B3GALT1: variants seen among roughly 807,000 people sequenced by gnomAD.
B3GALT1 encodes the protein UDP-Gal:betaGlcNAc beta 1,3-galactosyltransferase, polypeptide 1.
B3GALT1 carries 10 observed loss-of-function variants against 23.2 expected under a neutral mutation model. That is an observed-to-expected ratio of 0.43 (90% CI 0.27 to 0.73). The LOEUF is 0.73. Among genes scored for constraint, B3GALT1 ranks in the 30% least tolerant of loss-of-function variants. The pLI is 0.21. For synonymous variants in B3GALT1, 156 were observed against 141.5 expected (o/e 1.10, Z -0.73); for missense variants, 299 against 405.4 (o/e 0.74, Z 2.25).
At chr2:167,680,803 C>G (rs1321801495) in intron 3 of B3GALT1, among the ~76,000 whole-genome samples, 1 of 151,914 alleles carries the variant, frequency 6.6e-6, no homozygotes, top group South Asian at 2.1e-4. Context: ...GAACTGAAAC[C>G]ATTAAGAAAT....
intron 3 of B3GALT1, among the ~76,000 whole-genome samples, chr2:167,746,602 C>T (rs757633498): frequency 3.3e-5 from 5 of 152,142 alleles, no homozygotes; most frequent in African/African-American, 7.2e-5. Context: ...ACAATGGAGC[C>T]GCTGTCCCAC....
chr2:167,786,858 G>C (rs1688351645), intron 3 of B3GALT1, among the ~76,000 whole-genome samples: 1 of 152,186 alleles, frequency 6.6e-6, no homozygotes. Context: ...CCATGCGTGA[G>C]TCCATTCCCA....
intron 2 of B3GALT1, among the ~76,000 whole-genome samples, chr2:167,639,767 A>G (rs1482116584): frequency 1.3e-5 from 2 of 152,220 alleles, no homozygotes; most frequent in Non-Finnish European, 2.9e-5. Flanking sequence ...CCAGACAACA[A>G]AGCAGTCTGC....
chr2:167,700,947 G>C (rs1260797843), intron 3 of B3GALT1, among the ~76,000 whole-genome samples: 1 of 152,148 alleles, frequency 6.6e-6, no homozygotes, highest in Non-Finnish European at 1.5e-5. Context: ...TACTTTCTCA[G>C]AACCAAGATC....
In B3GALT1 at chr2:167,473,670, A is replaced by G. The variant is rs571730518; in HGVS notation, c.-510-16507A>G. Among the ~76,000 whole-genome samples the G allele has an allele frequency of 2.4e-4, 36 of 152,130 alleles. No individual in the cohort carries two copies. The South Asian group carries it at 7.5e-3, about 32-fold the overall frequency. ...CTGCCTTTGGCTGATCAGTTTTTTG[A>G]TTATCACAATCAAGAGATGGAAGAA... On this transcript the variant is annotated intron_variant, in intron 1 of 4. Coordinates refer to ENST00000392690, the MANE Select transcript of B3GALT1 (RefSeq NM_020981.4).
At position 167,869,094 on chromosome 2, in the gene B3GALT1, G is replaced by A. The variant is rs1425909052; in HGVS notation, c.55G>A (p.Ala19Thr). Residue 19 changes from alanine (A) to threonine (T), a missense_variant, in exon 5 of 5, where the codon GCT (alanine) becomes ACT (threonine). Around this residue, in one of 3 missense-constraint regions of B3GALT1, gnomAD observed 162 missense variants for 184.1 expected, o/e 0.88. Coordinates refer to ENST00000392690, the MANE Select transcript of B3GALT1 (RefSeq NM_020981.4). This position sits in a 1 kb window ranked among gnomAD's most constrained non-coding sequence, Gnocchi z 6.4. The stretch of plus-strand genomic sequence containing the variant: ...TTTGACAGTTGTGTGCTGGGCCAGC[G>A]CTCTCTGGTACTTGAGTATAACTCG... ...YVLTVVCWAS[A>T]LWYLSITRPT... is the part of the protein sequence containing the mutation. 5 of 1,614,046 alleles carry A rather than the reference G, an allele frequency of 3.1e-6. No homozygotes were observed. Among genetic ancestry groups the A allele is most frequent in the Admixed American group, 3.3e-5 (2 of 60,010 alleles).
chr2:167,432,466 T>G (rs1266516575), intron 1 of B3GALT1, among the ~76,000 whole-genome samples: 2 of 152,216 alleles, frequency 1.3e-5, no homozygotes, highest in Non-Finnish European at 2.9e-5. Flanking sequence ...AGAGACAAAG[T>G]TGGCCTGCTG....
At chr2:167,486,457 C>T (rs755178886) in intron 1 of B3GALT1, among the ~76,000 whole-genome samples, 23 of 151,682 alleles carry the variant, frequency 1.5e-4, no homozygotes, top group Admixed American at 3.3e-4. Context: ...GGCACAGTGG[C>T]TCATGCCTGC....
chr2:167,491,035 G>A (rs908140979), intron 2 of B3GALT1, among the ~76,000 whole-genome samples: 20 of 152,124 alleles, frequency 1.3e-4, no homozygotes, highest in African/African-American at 3.9e-4. Context: ...TGTTTTCTTA[G>A]GGTTCTGGAG....
chr2:167,445,352 G>T (rs6720504), intron 1 of B3GALT1, among the ~76,000 whole-genome samples: 1 of 152,202 alleles, frequency 6.6e-6, no homozygotes, highest in Non-Finnish European at 1.5e-5. Flanking sequence ...TTGATTTGGG[G>T]TGAAGAGTTC....
At chr2:167,635,451 C>G (rs1318919129) in intron 2 of B3GALT1, among the ~76,000 whole-genome samples, 9 of 152,132 alleles carry the variant, frequency 5.9e-5, no homozygotes, top group Admixed American at 2.0e-4. Flanking sequence ...TTAAAAAACC[C>G]TATTGTCTCA....
At chr2:167,344,300 G>A (rs556594682) in intron 1 of B3GALT1, among the ~76,000 whole-genome samples, 98 of 152,168 alleles carry the variant, frequency 6.4e-4, no homozygotes, top group African/African-American at 2.2e-3. Flanking sequence ...ACTTCCAAAA[G>A]TGAAGGGAAG....
At chr2:167,621,380 C>T (rs1212349553) in intron 2 of B3GALT1, among the ~76,000 whole-genome samples, 1 of 151,952 alleles carries the variant, frequency 6.6e-6, no homozygotes. Flanking sequence ...GCCACCTTGC[C>T]TGGCCAGTGA....
rs1404243807 is a variant in B3GALT1 at position 167,872,438 on chromosome 2, G to A, written c.*2418G>A. ...CAATAGCAATTAGGTAACCTGGGGA[G>A]AGATGGATCAGCACAAGGTGAACCA... On this transcript the variant is annotated 3_prime_UTR_variant, in exon 5 of 5. Coordinates refer to ENST00000392690, the MANE Select transcript of B3GALT1 (RefSeq NM_020981.4). The A allele has an allele frequency of 6.6e-6, 1 of 152,194 alleles. No individual in the cohort carries two copies. Among genetic ancestry groups the A allele is most frequent in the Non-Finnish European group, 1.5e-5 (1 of 68,036 alleles). The allele number at this position is 152,194 out of a possible 1,614,324, so 9.4% of individuals were successfully genotyped here.
At chr2:167,804,848 G>A (rs57142259) in intron 3 of B3GALT1, among the ~76,000 whole-genome samples, 4,864 of 152,224 alleles carry the variant, frequency 0.032, 296 homozygotes, top group African/African-American at 0.11. Flanking sequence ...ACCCAGTAAT[G>A]GGATTGCTGG....
intron 2 of B3GALT1, among the ~76,000 whole-genome samples, chr2:167,564,535 G>A (rs769397896): frequency 1.2e-4 from 19 of 152,180 alleles, no homozygotes; most frequent in African/African-American, 4.1e-4. Context: ...AGGCCGCAGC[G>A]AGCCGAGACC....
chr2:167,360,752 C>T (rs1158420715), intron 1 of B3GALT1, among the ~76,000 whole-genome samples: 5 of 152,070 alleles, frequency 3.3e-5, no homozygotes, highest in South Asian at 2.1e-4. Flanking sequence ...TTGAAATATA[C>T]AATAAATTAT....
chr2:167,523,411 G>A (rs1683149164), intron 2 of B3GALT1, among the ~76,000 whole-genome samples: 1 of 147,580 alleles, frequency 6.8e-6, no homozygotes, highest in African/African-American at 2.5e-5. Context: ...ACTATCAAAA[G>A]TTTCTTGTGT....
chr2:167,677,089 G>A (rs1686441811), intron 3 of B3GALT1, among the ~76,000 whole-genome samples: 1 of 152,102 alleles, frequency 6.6e-6, no homozygotes, highest in South Asian at 2.1e-4. Flanking sequence ...TAGGAAAAAG[G>A]GGGTGTAGGT....
Sources: gnomAD v4.1 joint callset for allele counts (sites outside exome capture counted in the v4.1 genomes callset) on GRCh38, gnomAD v4.1.1 for gene constraint, gnomAD v4.1.1 regional missense constraint, Gnocchi (gnomAD v3.1) non-coding constraint, MANE v1.5 for transcripts, NCBI Gene and HGNC (gene_info 2026-07-23, HGNC 2026-07-21) for gene names.